Variants in THADA observed in about 807,000 individuals in gnomAD.
The protein encoded by THADA is THADA armadillo repeat containing, also known as tRNA (32-2'-O)-methyltransferase regulator THADA.
In THADA, 213 loss-of-function variants were observed where a neutral mutation model predicts 219.8. The ratio of observed to expected loss-of-function variants is 0.97; its 90% CI spans 0.87 to 1.09. The LOEUF (loss-of-function observed/expected upper bound fraction) is 1.09. THADA is among the 50% of genes least tolerant of loss of function. THADA has a pLI of 0.00. For synonymous variants in THADA, 1,018 were observed against 828.9 expected, an observed-to-expected ratio of 1.23 and a Z score of -3.92; for missense variants, 2,956 against 2,311.3, an observed-to-expected ratio of 1.28 and a Z score of -5.72.
intron 36 of THADA, among the ~76,000 whole-genome samples, chr2:43,279,006 C>T (rs1254252630): frequency 1.3e-5 from 2 of 152,226 alleles, no homozygotes; most frequent in East Asian, 3.8e-4. Flanking sequence ...GAATCCGAGT[C>T]TGCTAAAGCA....
chr2:43,486,573 A>G (rs554110625), intron 25 of THADA: 2 of 152,346 alleles, frequency 1.3e-5, no homozygotes, highest in African/African-American at 4.8e-5. Context: ...AAATAGCAAT[A>G]TAAGTAGAAA....
At chr2:43,312,650 A>C (rs1677640789) in intron 31 of THADA, among the ~76,000 whole-genome samples, 1 of 152,066 alleles carries the variant, frequency 6.6e-6, no homozygotes, top group African/African-American at 2.4e-5. Flanking sequence ...TTTTGGCACA[A>C]GCAGCAGTTC....
At chr2:43,586,231 C>T (rs1213269511) in intron 7 of THADA, among the ~76,000 whole-genome samples, 170 bp downstream of exon 7, 1 of 152,084 alleles carries the variant, frequency 6.6e-6, no homozygotes, top group Non-Finnish European at 1.5e-5. Flanking sequence ...CACCACTGCA[C>T]TACAGCCTGG....
intron 22 of THADA, among the ~76,000 whole-genome samples, chr2:43,522,227 A>T (rs1692581750): frequency 6.6e-6 from 1 of 152,262 alleles, no homozygotes; most frequent in South Asian, 2.1e-4. Context: ...GGAAACTTTA[A>T]GCCTGAAAAA....
chr2:43,291,735 A>G lies in THADA; in HGVS notation c.4971T>C (p.Ala1657=). 6.4e-7 allele frequency: 1 copy of G among 1,556,398 alleles called. No individual in the cohort carries two copies. The part of the protein sequence containing the change: ...SEIQSVALRL[A]SKVISHHMQT... ...GCATGTGGTGGGAAATGACTTTGGA[A>G]GCAAGTCTCAGAGCTACACTCTGAA... is the stretch of plus-strand genomic sequence containing the variant. Residue 1657 remains alanine, a synonymous_variant, in exon 34 of 38, where the codon GCT becomes GCC. Coordinates refer to ENST00000405975, the MANE Select transcript of THADA (RefSeq NM_022065.5).
Position 43,542,324 on chromosome 2 carries a change from T to C in THADA, c.3107-1008A>G, listed in dbSNP as rs1574164896. Among the ~76,000 whole-genome samples the C allele has an allele frequency of 2.6e-5, 4 of 152,190 alleles. No individual in the cohort carries two copies. The South Asian group carries it at 8.3e-4, about 31-fold the overall frequency. On this transcript the variant is annotated intron_variant, in intron 20 of 37. Transcript: ENST00000405975. ...AAGACATGGAATTGGAGAGGAAACCTTGGAGGAATTTAATTTGTTTTTAAT... is the reference window on the plus strand; with the variant it reads ...AAGACATGGAATTGGAGAGGAAACCCTGGAGGAATTTAATTTGTTTTTAAT...
At chr2:43,341,488 A>G (rs1357521738) in intron 30 of THADA, among the ~76,000 whole-genome samples, 1 of 152,198 alleles carries the variant, frequency 6.6e-6, no homozygotes, top group East Asian at 1.9e-4. Flanking sequence ...TTTGTCAGCC[A>G]TCTTCAGGCA....
intron 17 of THADA, among the ~76,000 whole-genome samples, chr2:43,554,130 C>A (rs1697073334): frequency 6.6e-6 from 1 of 152,178 alleles, no homozygotes; most frequent in African/African-American, 2.4e-5. Flanking sequence ...TCCAATTTAT[C>A]TTTTGTTTCC....
intron 31 of THADA, among the ~76,000 whole-genome samples, chr2:43,316,743 C>G (rs1573036637): frequency 6.6e-6 from 1 of 152,208 alleles, no homozygotes; most frequent in East Asian, 1.9e-4. Context: ...GCCTGACGAA[C>G]AAGGAGAAAC....
intron 21 of THADA, among the ~76,000 whole-genome samples, chr2:43,537,939 C>CAAAA (rs1196698525): frequency 1.7e-5 from 1 of 60,476 alleles, no homozygotes; most frequent in Non-Finnish European, 3.5e-5. Context: ...GACCCAGACT[C>CAAAA]AAAAAAAAAA....
At chr2:43,535,692 A>G (rs1403843810) in intron 21 of THADA, among the ~76,000 whole-genome samples, 7 of 151,542 alleles carry the variant, frequency 4.6e-5, no homozygotes, top group Non-Finnish European at 1.0e-4. Flanking sequence ...AAAAAAAAAA[A>G]AAAAAAAAGA....
Position 43,574,777 on chromosome 2 carries a change from C to T in THADA, c.1288G>A (p.Asp430Asn), listed in dbSNP as rs1476213323. The T allele has an allele frequency of 1.5e-5, 25 of 1,614,018 alleles. No homozygotes were observed. The highest frequency in any genetic ancestry group is 2.1e-5 in the Non-Finnish European group (25 of 1,179,896). The change falls in exon 11 of 38, where the codon GAT becomes AAT. Residue 430 changes from aspartate to asparagine, a missense_variant. Asp to Asn is a conservative substitution (Grantham distance 23, BLOSUM62 1). Transcript: ENST00000405975. ...QMHRLTVEGA[D>N]FVPDPFFVEL... ...ACAAAGAAAGGATCAGGGACGAAATCTGCACCTTCCACAGTGAGCCGGTGC... is the reference window on the plus strand; with the variant it reads ...ACAAAGAAAGGATCAGGGACGAAATTTGCACCTTCCACAGTGAGCCGGTGC...
intron 17 of THADA, among the ~76,000 whole-genome samples, chr2:43,553,707 G>A (rs1281232794): frequency 6.6e-6 from 1 of 152,158 alleles, no homozygotes; most frequent in Non-Finnish European, 1.5e-5. Flanking sequence ...ATTTTCCAAA[G>A]CAGATACAGC....
At chr2:43,275,018 G>A (rs1414894423) in intron 36 of THADA, among the ~76,000 whole-genome samples, 2 of 133,474 alleles carry the variant, frequency 1.5e-5, no homozygotes, top group African/African-American at 5.8e-5. Context: ...TTTTTTTGAG[G>A]GAGTCTCACT....
intron 29 of THADA, among the ~76,000 whole-genome samples, chr2:43,386,554 T>C (rs949462336): frequency 1.3e-5 from 2 of 152,150 alleles, no homozygotes; most frequent in African/African-American, 2.4e-5. Context: ...GACATTTACA[T>C]ATATGAGGCA....
Position 43,401,263 on chromosome 2 carries a change from G to A in THADA, c.4059-3124C>T, listed in dbSNP as rs537547324. Among the ~76,000 whole-genome samples, 5 of 152,088 alleles carry A rather than the reference G, an allele frequency of 3.3e-5. No individual in the cohort carries two copies. The South Asian group carries it at 1.0e-3, about 32-fold the overall frequency. On this transcript the variant is annotated intron_variant, in intron 28 of 37. Coordinates refer to ENST00000405975, the MANE Select transcript of THADA (RefSeq NM_022065.5). ...GACTGCCTACCATGTCCTCAATACT[G>A]TGTGACATGAGACATGACACTTTTT...
rs1337021820 is a variant in THADA at position 43,337,044 on chromosome 2, A to T, written c.4343+7078T>A. 5.9e-5 allele frequency among the ~76,000 whole-genome samples: 9 copies of T among 152,322 alleles called. No individual in the cohort carries two copies. The East Asian group carries it at 1.7e-3, about 29-fold the overall frequency. On this transcript the variant is annotated intron_variant, in intron 30 of 37. Coordinates refer to ENST00000405975, the MANE Select transcript of THADA (RefSeq NM_022065.5). Reference sequence around the variant, plus strand: ...TACTATGAAATTTCCTCAGTTTAAAATGTCAGCAAATTATTTAAAAAAAGA... The same window carrying T: ...TACTATGAAATTTCCTCAGTTTAAATTGTCAGCAAATTATTTAAAAAAAGA...
chr2:43,514,765 T>C (rs1331094571), intron 22 of THADA, among the ~76,000 whole-genome samples: 3 of 92,146 alleles, frequency 3.3e-5, no homozygotes, highest in African/African-American at 1.4e-4. Flanking sequence ...ATATAATATG[T>C]ATAATATATA....
At chr2:43,252,956 C>A (rs975629338) in intron 36 of THADA, among the ~76,000 whole-genome samples, 2 of 152,212 alleles carry the variant, frequency 1.3e-5, no homozygotes, top group Non-Finnish European at 2.9e-5. Context: ...CTGTTCCAAT[C>A]TTTTCCCTGT....
Sources: gnomAD v4.1 joint callset for allele counts (sites outside exome capture counted in the v4.1 genomes callset) on GRCh38, gnomAD v4.1.1 for gene constraint, MANE v1.5 for transcripts, NCBI Gene and HGNC (gene_info 2026-07-23, HGNC 2026-07-21) for gene names.